DENND4C: variants seen among roughly 807,000 people sequenced by gnomAD.
DENND4C encodes the protein DENN domain containing 4C.
In DENND4C, 108 loss-of-function variants were observed where a neutral mutation model predicts 203.0. The ratio of observed to expected loss-of-function variants is 0.53; its 90% CI spans 0.46 to 0.62. The LOEUF (loss-of-function observed/expected upper bound fraction) is 0.62. DENND4C is among the 20% of genes least tolerant of loss of function. The probability of loss-of-function intolerance (pLI) is 0.00; values close to 1 mark genes in which losing one functional copy is unlikely to be tolerated. For missense variants in DENND4C, 2,481 were observed against 2,301.2 expected (o/e 1.08, Z -1.60); for synonymous variants, 871 against 792.4 (o/e 1.10, Z -1.67).
chr9:19,304,287 C>T (rs546604099), intron 9 of DENND4C, among the ~76,000 whole-genome samples: 65 of 150,704 alleles, frequency 4.3e-4, no homozygotes, highest in African/African-American at 1.5e-3. Flanking sequence ...CGGGTTCAAG[C>T]GATTCTCCTG....
chr9:19,351,173 C>A (rs1425320729), intron 24 of DENND4C, among the ~76,000 whole-genome samples: 1 of 152,074 alleles, frequency 6.6e-6, no homozygotes, highest in Admixed American at 6.6e-5. Flanking sequence ...CTATTCTGAT[C>A]TTGTATGATT....
At chr9:19,349,295 C>T (rs1823576503) in intron 23 of DENND4C, among the ~76,000 whole-genome samples, 1 of 152,040 alleles carries the variant, frequency 6.6e-6, no homozygotes, top group South Asian at 2.1e-4. Flanking sequence ...GTAGTCTCAG[C>T]TACTCCAGAA....
At chr9:19,332,575 G>T (rs539243473) in intron 17 of DENND4C, among the ~76,000 whole-genome samples, 1 of 149,430 alleles carries the variant, frequency 6.7e-6, no homozygotes, top group Non-Finnish European at 1.5e-5. Context: ...GTGTTGGCCA[G>T]GCTGGTCTCA....
At chr9:19,342,867 A>G in intron 22 of DENND4C, 88 bp downstream of exon 22, 1 of 1,149,442 alleles carries the variant, frequency 8.7e-7, no homozygotes, top group Non-Finnish European at 1.1e-6. Flanking sequence ...TTTTTGACTT[A>G]ATTGTAATGA....
At chr9:19,334,456 T>C (rs903770319) in intron 17 of DENND4C, among the ~76,000 whole-genome samples, 1 of 152,064 alleles carries the variant, frequency 6.6e-6, no homozygotes, top group Admixed American at 6.6e-5. Flanking sequence ...TGGACACATA[T>C]GTCTTATATG....
chr9:19,369,778 AATAAT>A (rs1421291330), intron 30 of DENND4C, 54 bp from the exon 31 acceptor site: 37 of 849,152 alleles, frequency 4.4e-5, no homozygotes, highest in Middle Eastern at 4.5e-4. Context: ...AAAAAAAAAA[AATAAT>A]AATAATAATA....
chr9:19,302,045 G>A (rs1211495078), intron 9 of DENND4C, among the ~76,000 whole-genome samples: 5 of 152,186 alleles, frequency 3.3e-5, no homozygotes, highest in Non-Finnish European at 1.5e-5. Context: ...GTAGTATGGT[G>A]CAAGAACAGC....
intron 30 of DENND4C, among the ~76,000 whole-genome samples, chr9:19,366,037 AG>A (rs1827589495): frequency 6.6e-6 from 1 of 152,220 alleles, no homozygotes; most frequent in Non-Finnish European, 1.5e-5. Flanking sequence ...TCAGAATTTC[AG>A]GTAGCTTCTT....
chr9:19,303,281 T>C (rs1304133836), intron 9 of DENND4C, among the ~76,000 whole-genome samples: 1 of 152,232 alleles, frequency 6.6e-6, no homozygotes, highest in African/African-American at 2.4e-5. Flanking sequence ...TGTAGTATAA[T>C]ATTTTATTCC....
chr9:19,315,589 GTA>G (rs939797253), intron 10 of DENND4C, among the ~76,000 whole-genome samples: 15 of 150,258 alleles, frequency 1.0e-4, no homozygotes, highest in Non-Finnish European at 1.8e-4. Context: ...GTACATATAT[GTA>G]TGTGTGTGTA....
intron 20 of DENND4C, among the ~76,000 whole-genome samples, chr9:19,340,705 G>A (rs549707797): frequency 2.0e-5 from 3 of 152,144 alleles, no homozygotes; most frequent in East Asian, 1.9e-4. Flanking sequence ...CTGTAGACAC[G>A]GTCTCCAAAA....
intron 1 of DENND4C, among the ~76,000 whole-genome samples, chr9:19,237,813 A>AT (rs1457609928): frequency 6.6e-6 from 1 of 152,194 alleles, no homozygotes; most frequent in Non-Finnish European, 1.5e-5. Flanking sequence ...TAAATTTTAT[A>AT]TACCCCCACA....
chr9:19,321,192 C>T (rs890927796), intron 12 of DENND4C, among the ~76,000 whole-genome samples: 1 of 152,222 alleles, frequency 6.6e-6, no homozygotes, highest in East Asian at 1.9e-4. Context: ...AGAGATTGCA[C>T]TGGAGACATT....
intron 4 of DENND4C, among the ~76,000 whole-genome samples, chr9:19,289,018 T>C (rs1293225682): frequency 6.6e-6 from 1 of 152,204 alleles, no homozygotes; most frequent in African/African-American, 2.4e-5. Flanking sequence ...TCAAACTGCG[T>C]CTTTACTTCT....
intron 1 of DENND4C, among the ~76,000 whole-genome samples, chr9:19,266,636 C>A (rs921212503): frequency 6.6e-6 from 1 of 152,074 alleles, no homozygotes. Context: ...GAGATATAGA[C>A]CAATGGAACA....
chr9:19,274,303 T>C lies in DENND4C; in HGVS notation c.-17-1855T>C, dbSNP rs191808022. ...GATGTTGATGGATATGTTTCTTTCT[T>C]TTTTTTTTTGAGATGGAATTTTGCT... On this transcript the variant is annotated intron_variant, in intron 1 of 32. Transcript: ENST00000434457. 2.2e-4 allele frequency among the ~76,000 whole-genome samples: 33 copies of C among 149,976 alleles called. No homozygotes were observed. In the East Asian group the frequency reaches 6.2e-3, roughly 28 times the overall value.
At chr9:19,337,817 A>T in intron 20 of DENND4C, 2 of 343,836 alleles carry the variant, frequency 5.8e-6, no homozygotes, top group Non-Finnish European at 1.1e-5. Flanking sequence ...TCATATATAG[A>T]CTCTTGAAAA....
chr9:19,318,056 C>T (rs1842138608), intron 12 of DENND4C, among the ~76,000 whole-genome samples: 2 of 152,230 alleles, frequency 1.3e-5, no homozygotes, highest in Non-Finnish European at 2.9e-5. Context: ...CAGTGGCTCA[C>T]GCCTGTAATC....
At chr9:19,230,643 G>C (rs547879341), upstream of DENND4C, 3 of 152,282 alleles carry the variant, frequency 2.0e-5, no homozygotes, top group East Asian at 5.8e-4. Context: ...ATCGCCCCTG[G>C]CTGTAGGCGG....
Sources: gnomAD v4.1 joint callset for allele counts (sites outside exome capture counted in the v4.1 genomes callset) on GRCh38, gnomAD v4.1.1 for gene constraint, MANE v1.5 for transcripts, NCBI Gene and HGNC (gene_info 2026-07-23, HGNC 2026-07-21) for gene names.